DMD: variants seen among roughly 807,000 people sequenced by gnomAD.
DMD encodes the protein mutant dystrophin.
In DMD, 63 loss-of-function variants were observed where a neutral mutation model predicts 330.1. The ratio of observed to expected loss-of-function variants is 0.19; its 90% CI spans 0.16 to 0.24. The LOEUF is 0.24. Among genes scored for constraint, DMD ranks in the 10% least tolerant of loss-of-function variants. The pLI, the probability that DMD is intolerant of heterozygous loss-of-function variation, is 1.00. For missense variants in DMD, 3,344 were observed against 2,684.1 expected (o/e 1.25, Z -5.43); for synonymous variants, 1,223 against 959.8 (o/e 1.27, Z -5.07).
intron 55 of DMD, among the ~76,000 whole-genome samples, chrX:31,524,193 GC>G (rs1214689941): frequency 8.9e-6 from 1 of 111,960 alleles, no homozygotes; most frequent in African/African-American, 3.2e-5. Flanking sequence ...AAGTGATAGT[GC>G]TACAGGCAGG....
At position 31,949,956 on chromosome X, in the gene DMD, G is replaced by A. The variant is rs1247389383; in HGVS notation, c.6615-17729C>T. 6.4e-5 allele frequency among the ~76,000 whole-genome samples: 7 copies of A among 108,720 alleles called. No homozygotes were observed. In the East Asian group the frequency reaches 2.0e-3, roughly 31 times the overall value. The allele number at this position is 108,720 out of a possible 115,157, so 94.4% of individuals were successfully genotyped here. On this transcript the variant is annotated intron_variant, in intron 45 of 78. Coordinates refer to ENST00000357033, the MANE Select transcript of DMD (RefSeq NM_004006.3). The stretch of plus-strand genomic sequence containing the variant: ...AAAATATTTTCAAAGATTAATGTAT[G>A]GTTTCATTGATTTTTCTTTCTTCTT...
chrX:32,215,384 A>G (rs1361959839), intron 44 of DMD, among the ~76,000 whole-genome samples: 2 of 111,349 alleles, frequency 1.8e-5, no homozygotes, highest in African/African-American at 6.5e-5. Context: ...AGAAAACTAC[A>G]CCAAGTTACA....
intron 20 of DMD, among the ~76,000 whole-genome samples, chrX:32,487,202 C>A (rs2042568972): frequency 8.9e-6 from 1 of 111,732 alleles, no homozygotes; most frequent in South Asian, 3.7e-4. Flanking sequence ...GCATGCTATT[C>A]TCTACATAAA....
intron 43 of DMD, among the ~76,000 whole-genome samples, chrX:32,267,713 G>T (rs2097350005): frequency 8.9e-6 from 1 of 112,110 alleles, no homozygotes; most frequent in Non-Finnish European, 1.9e-5. Context: ...TCAATACTTT[G>T]AGAAATACCC....
intron 50 of DMD, among the ~76,000 whole-genome samples, chrX:31,778,943 CAT>C (rs1288516602): frequency 8.9e-6 from 1 of 111,760 alleles, no homozygotes; most frequent in Non-Finnish European, 1.9e-5. Flanking sequence ...TTATCTAACA[CAT>C]ATGCGGTTCT....
chrX:32,222,700 A>G (rs2097135694), intron 43 of DMD, among the ~76,000 whole-genome samples: 1 of 111,859 alleles, frequency 8.9e-6, no homozygotes, highest in Admixed American at 9.5e-5. Context: ...AAAATGACCA[A>G]CATAGAATCT....
intron 49 of DMD, among the ~76,000 whole-genome samples, chrX:31,833,293 G>GAGA (rs1569464426): frequency 7.2e-4 from 10 of 13,964 alleles, no homozygotes; most frequent in Admixed American, 1.5e-3. Flanking sequence ...AGAGAGAGAG[G>GAGA]GAGAGAGGGA....
At chrX:32,205,041 A>ACACACACACACACC (rs1177814403) in intron 44 of DMD, among the ~76,000 whole-genome samples, 6 of 73,603 alleles carry the variant, frequency 8.2e-5, no homozygotes, top group East Asian at 3.4e-4. Context: ...ACACACACAC[A>ACACACACACACACC]CCCACACACA....
At chrX:33,322,076 G>T (rs1180583448) in intron 1 of DMD, among the ~76,000 whole-genome samples, 1 of 111,728 alleles carries the variant, frequency 9.0e-6, no homozygotes, top group East Asian at 2.8e-4. Flanking sequence ...TCAGCAGTAA[G>T]ACTGCTTTGC....
intron 34 of DMD, among the ~76,000 whole-genome samples, chrX:32,378,369 T>C (rs1366599207): frequency 9.1e-6 from 1 of 109,527 alleles, no homozygotes; most frequent in Non-Finnish European, 1.9e-5. Flanking sequence ...GTGCCATATG[T>C]ATCTCTTCAA....
At chrX:31,492,790 C>G (rs1371488559) in intron 57 of DMD, among the ~76,000 whole-genome samples, 1 of 107,800 alleles carries the variant, frequency 9.3e-6, no homozygotes, top group East Asian at 2.9e-4. Flanking sequence ...AAACCAAACA[C>G]TGCATGGTCT....
At chrX:32,868,839 C>A (rs1300411617) in intron 2 of DMD, among the ~76,000 whole-genome samples, 1 of 112,201 alleles carries the variant, frequency 8.9e-6, no homozygotes, top group South Asian at 3.7e-4. Flanking sequence ...CTAAAGAATC[C>A]GGGAAGCCCA....
intron 37 of DMD, among the ~76,000 whole-genome samples, chrX:32,361,224 C>A (rs187942645): frequency 9.0e-6 from 1 of 111,367 alleles, no homozygotes; most frequent in African/African-American, 3.2e-5. Context: ...CTTGTTATTA[C>A]ATAAGCCATT....
intron 51 of DMD, among the ~76,000 whole-genome samples, chrX:31,749,546 T>A (rs2088269008): frequency 9.1e-6 from 1 of 109,367 alleles, no homozygotes; most frequent in Admixed American, 9.8e-5. Flanking sequence ...TCTATCATTG[T>A]TGGACATTTG....
chrX:32,206,337 G>T (rs764963428), intron 44 of DMD: 15 of 530,725 alleles, frequency 2.8e-5, no homozygotes, highest in South Asian at 9.1e-5. Flanking sequence ...TGGTAGCAAG[G>T]TTCCACAGAA....
chrX:32,414,650 G>T (rs1569561816), intron 29 of DMD, among the ~76,000 whole-genome samples: 1 of 111,970 alleles, frequency 8.9e-6, no homozygotes, highest in Non-Finnish European at 1.9e-5. Context: ...GAGAAAAACA[G>T]AAAACTTTAA....
At chrX:32,891,427 C>T in intron 2 of DMD, among the ~76,000 whole-genome samples, 1 of 112,299 alleles carries the variant, frequency 8.9e-6, no homozygotes, top group Non-Finnish European at 1.9e-5. Context: ...GTCCAAGATG[C>T]AAAGTGATTT....
chrX:31,389,866 G>A (rs898119097), intron 60 of DMD, among the ~76,000 whole-genome samples: 1 of 112,045 alleles, frequency 8.9e-6, no homozygotes, highest in Admixed American at 9.5e-5. Flanking sequence ...GAGTGTGAGA[G>A]ATTCCTTCTT....
chrX:32,178,940 T>TC (rs2096916485), intron 44 of DMD, among the ~76,000 whole-genome samples: 1 of 68,616 alleles, frequency 1.5e-5, no homozygotes, highest in African/African-American at 5.7e-5. Flanking sequence ...AAACCCCAGA[T>TC]TCTCTCTCTC....
Sources: allele counts gnomAD v4.1 joint callset (sites outside exome capture counted in the v4.1 genomes callset), GRCh38; gene constraint gnomAD v4.1.1; transcripts MANE v1.5; gene names NCBI Gene and HGNC (gene_info 2026-07-23, HGNC 2026-07-21).